AP1M1: variants seen among roughly 807,000 people sequenced by gnomAD.
The protein encoded by AP1M1 is AP-1 complex subunit mu-1.
Under a neutral mutation model 57.1 loss-of-function variants are expected in AP1M1, and 18 were observed. The ratio of observed to expected loss-of-function variants is 0.32; its 90% CI spans 0.22 to 0.47. The LOEUF is 0.47. Ranked by LOEUF, AP1M1 falls within the 20% of genes least tolerant of loss-of-function variation. The pLI, the probability that AP1M1 is intolerant of heterozygous loss-of-function variation, is 1.00. For missense variants in AP1M1, 362 were observed against 593.5 expected, an observed-to-expected ratio of 0.61 and a Z score of 4.05; for synonymous variants, 241 against 237.9, an observed-to-expected ratio of 1.01 and a Z score of -0.12.
At chr19:16,202,324 C>T (rs540753137) in intron 1 of AP1M1, among the ~76,000 whole-genome samples, 45 of 152,328 alleles carry the variant, frequency 3.0e-4, no homozygotes, top group African/African-American at 1.1e-3. Context: ...CTGCTCCAGG[C>T]AGCATCTCCA....
Position 16,238,816 on chromosome 19 carries a change from C to T in AP1M1, c.*4381C>T, listed in dbSNP as rs1258264094. ...CTCACTGCAGCTTCAAACTCCTGGG[C>T]TCAAGTGATCCTCCCACCTTGGCCT... On this transcript the variant is annotated 3_prime_UTR_variant, in exon 12 of 12. Coordinates refer to ENST00000291439, the MANE Select transcript of AP1M1 (RefSeq NM_032493.4). 6.6e-6 allele frequency: 1 copy of T among 150,948 alleles called. No individual in the cohort carries two copies. The highest frequency in any genetic ancestry group is 2.4e-5 in the African/African-American group (1 of 40,832). 9.4% of individuals were successfully genotyped at this position (150,948 alleles called of 1,614,324 possible). A position where few individuals can be genotyped will look rare whatever the true frequency, so the allele number is the denominator to read the frequency against.
rs1479903471 is a variant in AP1M1 at position 16,238,159 on chromosome 19, G to A, written c.*3724G>A. The A allele has an allele frequency of 1.3e-5, 2 of 152,224 alleles. No individual in the cohort carries two copies. The highest frequency in any genetic ancestry group is 3.9e-4 in the East Asian group (2 of 5,178). 9.4% of individuals were successfully genotyped at this position (152,224 alleles called of 1,614,324 possible). A position where few individuals can be genotyped will look rare whatever the true frequency, so the allele number is the denominator to read the frequency against. On this transcript the variant is annotated 3_prime_UTR_variant, in exon 12 of 12. Transcript: ENST00000291439. ...CACGCCTCCTGAACATCTAGAACGT[G>A]CTAGCTATGTACTGACTGTGGGAAA...
In AP1M1 at chr19:16,197,975, T is replaced by TCGCTGCCGCCGCCACCGCCCACGGC; in HGVS notation, c.-32_-31insACGGCCGCTGCCGCCGCCACCGCCC. 2.8e-6 allele frequency: 4 copies of TCGCTGCCGCCGCCACCGCCCACGGC among 1,451,818 alleles called. No individual in the cohort carries two copies. Among genetic ancestry groups the TCGCTGCCGCCGCCACCGCCCACGGC allele is most frequent in the South Asian group, 1.3e-5 (1 of 77,830 alleles). The allele number at this position is 1,451,818 out of a possible 1,614,324, so 89.9% of individuals were successfully genotyped here. On this transcript the variant is annotated 5_prime_UTR_variant, in exon 1 of 12. Coordinates refer to ENST00000291439, the MANE Select transcript of AP1M1 (RefSeq NM_032493.4). ...GCTCAACGCCCAGCAGTCCCCACCG[T>TCGCTGCCGCCGCCACCGCCCACGGC]CGCTGCCGCCGCCACCGCCCTCGGC...
At chr19:16,226,390 C>CTT in intron 5 of AP1M1, 31 bp from the exon 6 acceptor site, 1 of 1,510,656 alleles carries the variant, frequency 6.6e-7, no homozygotes, top group Non-Finnish European at 8.9e-7. Flanking sequence ...GAGTTGGGGA[C>CTT]CTCCCCTCAC....
chr19:16,198,225 TG>T, intron 1 of AP1M1, 157 bp downstream of exon 1: 1 of 665,336 alleles, frequency 1.5e-6, no homozygotes, highest in Non-Finnish European at 2.3e-6. Context: ...ATCCTGTTTC[TG>T]GGTAACCGGG....
At chr19:16,208,210 T>A (rs1599454613) in intron 4 of AP1M1, 61 bp downstream of exon 4, 1 of 1,531,868 alleles carries the variant, frequency 6.5e-7, no homozygotes, top group East Asian at 2.3e-5. Context: ...ATCGACGTCA[T>A]CAGGTGTGGA....
intron 1 of AP1M1, among the ~76,000 whole-genome samples, chr19:16,200,303 T>G (rs1459743004): frequency 6.6e-6 from 1 of 151,936 alleles, no homozygotes. Flanking sequence ...ACGCTGGAAG[T>G]AGGTTTGGAA....
intron 9 of AP1M1, 141 bp downstream of exon 9, chr19:16,229,069 G>C: frequency 2.0e-6 from 2 of 1,008,400 alleles, no homozygotes; most frequent in Non-Finnish European, 2.9e-6. Context: ...TGAAAGGGTG[G>C]ACGGAGAGCT....
chr19:16,234,868 G>T lies in AP1M1; in HGVS notation c.*433G>T, dbSNP rs2091618345. On this transcript the variant is annotated 3_prime_UTR_variant, in exon 12 of 12. Coordinates refer to ENST00000291439, the MANE Select transcript of AP1M1 (RefSeq NM_032493.4). ...GTTGCCATTTTGTTGAACGTTATGG[G>T]TTTATGGGTGTTCCTGGAACTTGTC... The T allele has an allele frequency of 4.0e-6, 1 of 248,562 alleles. No individual in the cohort carries two copies. Among genetic ancestry groups the T allele is most frequent in the Admixed American group, 5.0e-5 (1 of 20,154 alleles). The allele number at this position is 248,562 out of a possible 1,614,324, so 15.4% of individuals were successfully genotyped here. A position where few individuals can be genotyped will look rare whatever the true frequency, so the allele number is the denominator to read the frequency against.
intron 5 of AP1M1, among the ~76,000 whole-genome samples, chr19:16,216,155 C>G (rs1376334926): frequency 1.3e-5 from 2 of 152,100 alleles, no homozygotes; most frequent in Admixed American, 1.3e-4. Context: ...ATTCTGAAGT[C>G]TATTTCTGTC....
chr19:16,214,445 T>C (rs1026987030), intron 5 of AP1M1, among the ~76,000 whole-genome samples: 15 of 144,832 alleles, frequency 1.0e-4, no homozygotes, highest in Non-Finnish European at 2.0e-4. Flanking sequence ...TCTGCCTCCC[T>C]GGCTCAAGCA....
Position 16,197,919 on chromosome 19 carries a change from A to G in AP1M1, c.-108A>G, listed in dbSNP as rs2145106333. The G allele has an allele frequency of 3.3e-6, 3 of 898,414 alleles. No individual in the cohort carries two copies. In the East Asian group the frequency reaches 1.0e-4, roughly 31 times the overall value. The allele number at this position is 898,414 out of a possible 1,614,324, so 55.7% of individuals were successfully genotyped here. A position where few individuals can be genotyped will look rare whatever the true frequency, so the allele number is the denominator to read the frequency against. On this transcript the variant is annotated 5_prime_UTR_variant, in exon 1 of 12. Transcript: ENST00000291439. Reference sequence around the variant, plus strand: ...GCGCGGCTCCCCGAACCGGAAGTGGAGGTGAGCTGTCGCGGGCGGCGCCCG... The same window carrying G: ...GCGCGGCTCCCCGAACCGGAAGTGGGGGTGAGCTGTCGCGGGCGGCGCCCG...
In AP1M1 at chr19:16,219,079, T is replaced by TA. The variant is rs35554066; in HGVS notation, c.547-7340dup. 2.7e-5 allele frequency among the ~76,000 whole-genome samples: 4 copies of TA among 148,490 alleles called. No individual in the cohort carries two copies. The Admixed American group carries it at 2.7e-4, about 10-fold the overall frequency. On this transcript the variant is annotated intron_variant, in intron 5 of 11. Transcript: ENST00000291439. ...TTTGCTAACAGTTTTTTTTTTTTTTTAATCATGCGTGGGTGTTGTATTTTC... is the reference window on the plus strand; with the variant it reads ...TTTGCTAACAGTTTTTTTTTTTTTTTAAATCATGCGTGGGTGTTGTATTTTC...
In AP1M1 at chr19:16,203,398, C is replaced by A; in HGVS notation, c.43-61C>A. Reference sequence around the variant, plus strand: ...GGGTGGTGCATCTCACCCCCTGCCCCAAGCCCCCAGATTGTAGAACTGAAA... The same window carrying A: ...GGGTGGTGCATCTCACCCCCTGCCCAAAGCCCCCAGATTGTAGAACTGAAA... On this transcript the variant is annotated intron_variant, in intron 1 of 11. Coordinates refer to ENST00000291439, the MANE Select transcript of AP1M1 (RefSeq NM_032493.4). The surrounding 1 kb of genome is among the most constrained non-coding windows in gnomAD (Gnocchi z 4.6). 6.3e-7 allele frequency: 1 copy of A among 1,593,650 alleles called. No homozygotes were observed. The highest frequency in any genetic ancestry group is 8.6e-7 in the Non-Finnish European group (1 of 1,163,004).
intron 4 of AP1M1, 39 bp downstream of exon 4, chr19:16,208,188 C>A (rs753906109): frequency 1.3e-6 from 2 of 1,573,144 alleles, no homozygotes; most frequent in South Asian, 1.1e-5. Context: ...CAGGCCTGGG[C>A]GGTGTCATGA....
chr19:16,215,055 G>A (rs1050132034), intron 5 of AP1M1, among the ~76,000 whole-genome samples: 5 of 151,334 alleles, frequency 3.3e-5, no homozygotes, highest in Non-Finnish European at 5.9e-5. Flanking sequence ...AGTTGAAAAC[G>A]ATCTCATTTC....
chr19:16,211,148 A>G (rs1737363756), intron 5 of AP1M1, among the ~76,000 whole-genome samples: 1 of 1,188 alleles, frequency 8.4e-4, no homozygotes, highest in East Asian at 4.3e-3. Context: ...AGGCTGTAGT[A>G]CAAGTGGCAT....
intron 5 of AP1M1, among the ~76,000 whole-genome samples, chr19:16,216,302 G>A (rs1359256710): frequency 2.6e-5 from 4 of 152,102 alleles, no homozygotes; most frequent in Admixed American, 6.6e-5. Flanking sequence ...AAAATTAGCC[G>A]GGTGTGGTGG....
chr19:16,209,400 G>A (rs370523929), intron 5 of AP1M1: 16 of 456,900 alleles, frequency 3.5e-5, no homozygotes, highest in Middle Eastern at 6.5e-4. Context: ...ACACGATCTC[G>A]GCTCACTGCA....
Sources: allele counts gnomAD v4.1 joint callset (sites outside exome capture counted in the v4.1 genomes callset), GRCh38; gene constraint gnomAD v4.1.1; non-coding constraint Gnocchi (gnomAD v3.1); transcripts MANE v1.5; gene names NCBI Gene and HGNC (gene_info 2026-07-23, HGNC 2026-07-21).